CA10: variants seen among roughly 807,000 people sequenced by gnomAD.
The protein encoded by CA10 is carbonic anhydrase-related protein 10.
Under a neutral mutation model 44.2 loss-of-function variants are expected in CA10, and 14 were observed. That is an observed-to-expected ratio of 0.32 (90% CI 0.21 to 0.50). The LOEUF (loss-of-function observed/expected upper bound fraction) is 0.50. Ranked by LOEUF, CA10 falls within the 20% of genes least tolerant of loss-of-function variation. CA10 has a pLI of 0.99. For missense variants in CA10, 350 were observed against 409.7 expected, an observed-to-expected ratio of 0.85 and a Z score of 1.26; for synonymous variants, 159 against 141.6, an observed-to-expected ratio of 1.12 and a Z score of -0.87.
At chr17:51,871,394 A>ATTTTT (rs11438821) in intron 3 of CA10, among the ~76,000 whole-genome samples, 67 of 81,274 alleles carry the variant, frequency 8.2e-4, no homozygotes, top group South Asian at 2.8e-3. Context: ...ACCAGGCCTA[A>ATTTTT]TTTTTTTTTT....
intron 2 of CA10, among the ~76,000 whole-genome samples, chr17:51,940,586 A>T (rs1983038657): frequency 6.6e-6 from 1 of 151,532 alleles, no homozygotes; most frequent in Non-Finnish European, 1.5e-5. Flanking sequence ...TCTTTTAATC[A>T]CCTTGGAAGT....
chr17:51,822,434 A>AAAAC (rs1907847635), intron 3 of CA10, among the ~76,000 whole-genome samples: 1 of 151,910 alleles, frequency 6.6e-6, no homozygotes. Flanking sequence ...AAACAAAAAC[A>AAAAC]AAAACAAAAA....
At chr17:52,082,682 A>G (rs1340690065) in intron 1 of CA10, among the ~76,000 whole-genome samples, 1 of 152,210 alleles carries the variant, frequency 6.6e-6, no homozygotes, top group Non-Finnish European at 1.5e-5. Flanking sequence ...ACAAAAGTAT[A>G]AATTATTATT....
At chr17:51,950,783 C>T (rs1331049746) in intron 2 of CA10, among the ~76,000 whole-genome samples, 1 of 152,104 alleles carries the variant, frequency 6.6e-6, no homozygotes, top group African/African-American at 2.4e-5. Context: ...AATGATACAG[C>T]ACTTATCACC....
chr17:51,928,434 G>A (rs1001622780), intron 3 of CA10, among the ~76,000 whole-genome samples: 4 of 152,036 alleles, frequency 2.6e-5, no homozygotes, highest in Admixed American at 2.0e-4. Context: ...ACTATGGTAA[G>A]GAAAGCCCTT....
chr17:51,970,113 C>T (rs1984228052), intron 2 of CA10, among the ~76,000 whole-genome samples: 1 of 152,044 alleles, frequency 6.6e-6, no homozygotes, highest in South Asian at 2.1e-4. Context: ...TTCATAGCCT[C>T]TTTAATTAAA....
At chr17:52,081,583 G>A (rs1401208609) in intron 1 of CA10, among the ~76,000 whole-genome samples, 1 of 151,982 alleles carries the variant, frequency 6.6e-6, no homozygotes, top group Admixed American at 6.5e-5. Flanking sequence ...GGCGGATCAC[G>A]AGGTCAGGAG....
intron 3 of CA10, among the ~76,000 whole-genome samples, chr17:51,820,780 C>A (rs1360000343): frequency 6.6e-6 from 1 of 151,900 alleles, no homozygotes; most frequent in African/African-American, 2.4e-5. Context: ...AGAGCACGTC[C>A]CAGAATTAGT....
At chr17:51,897,505 T>C (rs760917499) in intron 3 of CA10, among the ~76,000 whole-genome samples, 1 of 152,182 alleles carries the variant, frequency 6.6e-6, no homozygotes, top group Admixed American at 6.6e-5. Flanking sequence ...ATGTAATGCC[T>C]GCAGCTTTGT....
At chr17:51,662,097 A>G (rs1914030202) in intron 4 of CA10, among the ~76,000 whole-genome samples, 1 of 152,240 alleles carries the variant, frequency 6.6e-6, no homozygotes, top group African/African-American at 2.4e-5. Context: ...ATTTTCCAGT[A>G]AGTGTTCTAT....
At chr17:52,006,042 A>T (rs1294779511) in intron 2 of CA10, among the ~76,000 whole-genome samples, 2 of 151,860 alleles carry the variant, frequency 1.3e-5, no homozygotes. Flanking sequence ...ATCCCATGTA[A>T]TTGGTAAGGT....
At chr17:51,735,622 A>G (rs1916877105) in intron 4 of CA10, among the ~76,000 whole-genome samples, 1 of 152,208 alleles carries the variant, frequency 6.6e-6, no homozygotes, top group African/African-American at 2.4e-5. Context: ...AAAAACAACC[A>G]TTTTTGAGCA....
intron 3 of CA10, among the ~76,000 whole-genome samples, chr17:51,796,114 G>A (rs1567842380): frequency 6.6e-6 from 1 of 152,112 alleles, no homozygotes; most frequent in Non-Finnish European, 1.5e-5. Flanking sequence ...TCTCTGTGAT[G>A]ACCTGGTCCT....
intron 1 of CA10, among the ~76,000 whole-genome samples, chr17:52,127,844 C>T (rs1989152969): frequency 6.6e-6 from 1 of 152,198 alleles, no homozygotes; most frequent in South Asian, 2.1e-4. Context: ...TCTTTGATAA[C>T]AGATATCCTG....
intron 2 of CA10, among the ~76,000 whole-genome samples, chr17:51,983,107 C>T (rs1984708584): frequency 6.6e-6 from 1 of 151,356 alleles, no homozygotes; most frequent in African/African-American, 2.4e-5. Context: ...TTTTATATTT[C>T]ATTTTAAACT....
intron 4 of CA10, among the ~76,000 whole-genome samples, chr17:51,660,899 A>G (rs1238982155): frequency 6.6e-6 from 1 of 151,810 alleles, no homozygotes; most frequent in Non-Finnish European, 1.5e-5. Context: ...CCTAGAACAC[A>G]TGCTTATTCT....
intron 6 of CA10, among the ~76,000 whole-genome samples, chr17:51,645,289 C>T (rs1597959570): frequency 1.3e-5 from 2 of 152,230 alleles, no homozygotes; most frequent in South Asian, 4.1e-4. Context: ...GATGATGTCA[C>T]TCTGCTTAAA....
At chr17:51,997,571 C>T (rs1291237627) in intron 2 of CA10, among the ~76,000 whole-genome samples, 1 of 152,022 alleles carries the variant, frequency 6.6e-6, no homozygotes, top group Non-Finnish European at 1.5e-5. Context: ...GAAAAAAGTA[C>T]TTTGAAATTT....
intron 2 of CA10, among the ~76,000 whole-genome samples, chr17:52,071,678 C>T (rs1987683476): frequency 1.3e-5 from 2 of 152,054 alleles, no homozygotes; most frequent in Admixed American, 1.3e-4. Context: ...CTATCCTTGC[C>T]TTTTGCTTGC....
Sources: gnomAD v4.1 joint callset for allele counts (sites outside exome capture counted in the v4.1 genomes callset) on GRCh38, gnomAD v4.1.1 for gene constraint, MANE v1.5 for transcripts, NCBI Gene and HGNC (gene_info 2026-07-23, HGNC 2026-07-21) for gene names.